Variants in AGO4 observed in about 807,000 individuals in gnomAD.
AGO4 encodes protein argonaute-4.
AGO4 carries 33 observed loss-of-function variants against 104.7 expected under a neutral mutation model. That is an observed-to-expected ratio of 0.32 (90% confidence interval 0.24 to 0.42). The LOEUF (loss-of-function observed/expected upper bound fraction) is 0.42. Ranked by LOEUF, AGO4 falls within the 10% of genes least tolerant of loss-of-function variation. AGO4 has a pLI of 1.00. For missense variants in AGO4, 711 were observed against 1,083.4 expected, an observed-to-expected ratio of 0.66 and a Z score of 4.83; for synonymous variants, 331 against 364.7, an observed-to-expected ratio of 0.91 and a Z score of 1.05.
rs767546256 is a variant in AGO4 at position 35,831,816 on chromosome 1, G to C, written c.1001G>C (p.Cys334Ser). 2 of 1,614,050 alleles carry C rather than the reference G, an allele frequency of 1.2e-6. No individual in the cohort carries two copies. Among genetic ancestry groups the C allele is most frequent in the East Asian group, 4.5e-5 (2 of 44,868 alleles). The change falls in exon 9 of 18, where the codon TGT (cysteine) becomes TCT (serine). Residue 334 changes from cysteine (C) to serine (S), a missense_variant. Coordinates refer to ENST00000373210, the MANE Select transcript of AGO4 (RefSeq NM_017629.4). ...TTTCTCTTTGTCTCTTGGCAGGTCT[G>C]TAATATAGTGGCAGGACAGCGATGT... ...QKHTYLPLEV[C>S]NIVAGQRCIK...
chr1:35,822,812 C>T, intron 2 of AGO4, 50 bp from the exon 3 acceptor site: 2 of 1,606,062 alleles, frequency 1.2e-6, no homozygotes, highest in Non-Finnish European at 1.7e-6. Flanking sequence ...GCTTTTCTTA[C>T]TGTTCACCAT....
rs1447256021 is a variant in AGO4 at position 35,841,548 on chromosome 1, A to G, written c.2040+68A>G. ...CTGAGGGAGATTCCTCTCATCTACC[A>G]TTCTGGGTAGATCTGAGAGATACTA... On this transcript the variant is annotated intron_variant, in intron 14 of 17. Transcript: ENST00000373210. The surrounding 1 kb of genome is among the most constrained non-coding windows in gnomAD (Gnocchi z 4.7). The G allele has an allele frequency of 2.5e-6, 4 of 1,609,280 alleles. No homozygotes were observed. The highest frequency in any genetic ancestry group is 3.4e-6 in the Non-Finnish European group (4 of 1,176,016).
In AGO4 at chr1:35,855,016, G is replaced by A. The variant is rs957048467; in HGVS notation, c.*1411G>A. On this transcript the variant is annotated 3_prime_UTR_variant, in exon 18 of 18. Coordinates refer to ENST00000373210, the MANE Select transcript of AGO4 (RefSeq NM_017629.4). ...CAAACAAAGGGAGTTGCTCTAAAGCGAGCATCAGTTAAAATGTAGGGGAAA... is the reference window on the plus strand; with the variant it reads ...CAAACAAAGGGAGTTGCTCTAAAGCAAGCATCAGTTAAAATGTAGGGGAAA... 4 of 152,642 alleles carry A rather than the reference G, an allele frequency of 2.6e-5. No homozygotes were observed. The highest frequency in any genetic ancestry group is 2.1e-4 in the South Asian group (1 of 4,830). 9.5% of individuals were successfully genotyped at this position (152,642 alleles called of 1,614,324 possible). A position where few individuals can be genotyped will look rare whatever the true frequency, so the allele number is the denominator to read the frequency against.
chr1:35,831,738 A>G (rs966880576), intron 8 of AGO4, 74 bp from the exon 9 acceptor site: 22 of 1,582,534 alleles, frequency 1.4e-5, no homozygotes, highest in Middle Eastern at 1.8e-4. Context: ...AATAGAGGAT[A>G]TAAGATATGG....
chr1:35,807,934 C>T (rs1041609149), upstream of AGO4, among the ~76,000 whole-genome samples: 1 of 151,956 alleles, frequency 6.6e-6, no homozygotes, highest in African/African-American at 2.4e-5. Context: ...CGGACGGCCT[C>T]CTCGGGTGGA....
chr1:35,845,387 G>A (rs1395453046), intron 15 of AGO4, among the ~76,000 whole-genome samples: 1 of 151,364 alleles, frequency 6.6e-6, no homozygotes, highest in Non-Finnish European at 1.5e-5. Context: ...TTGTATTTGT[G>A]GTAGAGACAG....
At chr1:35,825,166 G>T in intron 3 of AGO4, 147 bp from the exon 4 acceptor site, 1 of 722,060 alleles carries the variant, frequency 1.4e-6, no homozygotes, top group Non-Finnish European at 2.2e-6. Context: ...CCCTACTCAT[G>T]GACACTAAGT....
intron 1 of AGO4, among the ~76,000 whole-genome samples, chr1:35,811,394 G>A (rs183087932): frequency 1.3e-3 from 204 of 151,214 alleles, no homozygotes; most frequent in African/African-American, 4.6e-3. Context: ...CACAGGAGGC[G>A]GAAGTTGCAG....
chr1:35,813,623 G>A (rs1001462446), intron 1 of AGO4, among the ~76,000 whole-genome samples: 2 of 151,374 alleles, frequency 1.3e-5, no homozygotes, highest in South Asian at 4.2e-4. Flanking sequence ...AATTAGCTGG[G>A]GTGGTATCTC....
At chr1:35,850,447 T>C (rs1644672791) in intron 16 of AGO4, among the ~76,000 whole-genome samples, 189 bp downstream of exon 16, 1 of 151,760 alleles carries the variant, frequency 6.6e-6, no homozygotes, top group South Asian at 2.1e-4. Flanking sequence ...GTTTAAGGAG[T>C]AGGTTTCAAT....
intron 13 of AGO4, among the ~76,000 whole-genome samples, chr1:35,840,488 AG>A (rs1050606387): frequency 6.6e-6 from 1 of 150,526 alleles, no homozygotes; most frequent in African/African-American, 2.5e-5. Flanking sequence ...TAGTAGAAAC[AG>A]GGTTTCACCG....
chr1:35,826,087 G>A (rs1239269065), intron 6 of AGO4, 27 bp downstream of exon 6: 2 of 1,611,562 alleles, frequency 1.2e-6, no homozygotes, highest in Non-Finnish European at 1.7e-6. Context: ...ATGTAGTCTT[G>A]GAGAAGCAGC....
In AGO4 at chr1:35,822,902, A is replaced by C; in HGVS notation, c.226A>C (p.Ile76Leu). The stretch of plus-strand genomic sequence containing the variant: ...AATGGTGCGGCACTTCAAGATGCAA[A>C]TATTTGGTGATCGGCAGCCTGGGTA... ...DTMVRHFKMQIFGDRQPGYDG... is the reference protein window; with the variant it reads ...DTMVRHFKMQLFGDRQPGYDG... The change falls in exon 3 of 18, where the codon ATA becomes CTA. Residue 76 changes from isoleucine to leucine, a missense_variant. Ile to Leu is a conservative substitution (Grantham distance 5, BLOSUM62 2). This residue lies in a region of AGO4 where 308 missense variants were observed against 397.8 expected (regional missense o/e 0.77). Coordinates refer to ENST00000373210, the MANE Select transcript of AGO4 (RefSeq NM_017629.4). 1 of 1,614,110 alleles carries C rather than the reference A, an allele frequency of 6.2e-7. No homozygotes were observed. Among genetic ancestry groups the C allele is most frequent in the Non-Finnish European group, 8.5e-7 (1 of 1,180,006 alleles).
At chr1:35,829,376 G>T (rs1644120583) in intron 7 of AGO4, among the ~76,000 whole-genome samples, 1 of 150,656 alleles carries the variant, frequency 6.6e-6, no homozygotes, top group Non-Finnish European at 1.5e-5. Flanking sequence ...ATTTGTTCAA[G>T]AACTGTGCTC....
At chr1:35,825,613 G>A in intron 4 of AGO4, 66 bp from the exon 5 acceptor site, 2 of 1,531,484 alleles carry the variant, frequency 1.3e-6, no homozygotes, top group Non-Finnish European at 1.8e-6. Flanking sequence ...AGCTCCCAGA[G>A]TTGAGAGTGA....
At chr1:35,850,703 G>C (rs4233204) in intron 16 of AGO4, 151 bp from the exon 17 acceptor site, 660,643 of 664,102 alleles carry the variant, frequency 0.99, 328,671 homozygotes, top group East Asian at 1. Flanking sequence ...ATTGTTTGAA[G>C]TCCAGAGGCG....
At chr1:35,818,625 A>T (rs1275877396) in intron 2 of AGO4, among the ~76,000 whole-genome samples, 1 of 126,114 alleles carries the variant, frequency 7.9e-6, no homozygotes, top group East Asian at 2.2e-4. Flanking sequence ...CTCTGTCTCA[A>T]AAAGAAAGAA....
chr1:35,822,476 A>G (rs557784913), intron 2 of AGO4, among the ~76,000 whole-genome samples: 1 of 150,988 alleles, frequency 6.6e-6, no homozygotes, highest in Admixed American at 6.6e-5. Flanking sequence ...CTGGTCTCGA[A>G]CTCCTGACCT....
At chr1:35,850,348 C>A in intron 16 of AGO4, 90 bp downstream of exon 16, 1 of 979,758 alleles carries the variant, frequency 1.0e-6, no homozygotes, top group Non-Finnish European at 1.7e-6. Context: ...TATTTAACAC[C>A]GTGCCTAACT....
Sources: gnomAD v4.1 joint callset for allele counts (sites outside exome capture counted in the v4.1 genomes callset) on GRCh38, gnomAD v4.1.1 for gene constraint, gnomAD v4.1.1 regional missense constraint, Gnocchi (gnomAD v3.1) non-coding constraint, MANE v1.5 for transcripts, NCBI Gene and HGNC (gene_info 2026-07-23, HGNC 2026-07-21) for gene names.